Variants in DOCK5 observed in about 807,000 individuals in gnomAD.
The protein encoded by DOCK5 is dedicator of cytokinesis protein 5.
In DOCK5, 142 loss-of-function variants were observed where a neutral mutation model predicts 251.8. The ratio of observed to expected loss-of-function variants is 0.56; its 90% CI spans 0.49 to 0.65. The LOEUF is 0.65. Ranked by LOEUF, DOCK5 falls within the 30% of genes least tolerant of loss-of-function variation. The pLI, the probability that DOCK5 is intolerant of heterozygous loss-of-function variation, is 0.00. For synonymous variants in DOCK5, 842 were observed against 835.5 expected, an observed-to-expected ratio of 1.01 and a Z score of -0.13; for missense variants, 2,111 against 2,312.3, an observed-to-expected ratio of 0.91 and a Z score of 1.79.
chr8:25,262,677 T>A (rs1436642710), intron 2 of DOCK5, among the ~76,000 whole-genome samples: 1 of 152,168 alleles, frequency 6.6e-6, no homozygotes, highest in Non-Finnish European at 1.5e-5. Context: ...GTCTTTCAAC[T>A]CTTTCAGCCA....
At chr8:25,226,875 G>A (rs562210886) in intron 1 of DOCK5, among the ~76,000 whole-genome samples, 3 of 152,154 alleles carry the variant, frequency 2.0e-5, no homozygotes, top group East Asian at 1.9e-4. Flanking sequence ...GTGAGCCACC[G>A]CACCCGGCTC....
At chr8:25,283,510 G>A (rs754115009) in intron 5 of DOCK5, among the ~76,000 whole-genome samples, 1 of 152,178 alleles carries the variant, frequency 6.6e-6, no homozygotes, top group Non-Finnish European at 1.5e-5. Context: ...GCTGTGATCT[G>A]TGCTGCTGAC....
chr8:25,411,550 G>C lies in DOCK5; in HGVS notation c.*252G>C, dbSNP rs1288809989. 1.0e-5 allele frequency: 4 copies of C among 398,742 alleles called. No homozygotes were observed. Among genetic ancestry groups the C allele is most frequent in the Non-Finnish European group, 1.7e-5 (4 of 232,688 alleles). The allele number at this position is 398,742 out of a possible 1,614,324, so 24.7% of individuals were successfully genotyped here. A position where few individuals can be genotyped will look rare whatever the true frequency, so the allele number is the denominator to read the frequency against. Reference sequence around the variant, plus strand: ...CACAGCCTCTGATTTTTTCCAAGAAGAGATTGCCTTCACCATTGTTAAATG... The same window carrying C: ...CACAGCCTCTGATTTTTTCCAAGAACAGATTGCCTTCACCATTGTTAAATG... On this transcript the variant is annotated 3_prime_UTR_variant, in exon 52 of 52. Transcript: ENST00000276440.
chr8:25,207,543 A>G (rs933006961), intron 1 of DOCK5, among the ~76,000 whole-genome samples: 7 of 152,214 alleles, frequency 4.6e-5, no homozygotes, highest in African/African-American at 1.7e-4. Context: ...GCCCTTAACA[A>G]TTATGCTAAA....
chr8:25,300,957 T>C (rs868474), intron 9 of DOCK5, among the ~76,000 whole-genome samples: 2,967 of 152,240 alleles, frequency 0.019, 104 homozygotes, highest in African/African-American at 0.066. Context: ...CCCAGGACTT[T>C]GGGAGGCCAA....
rs7817887 is a variant in DOCK5, at chr8:25,232,904, G to A, written c.44-10770G>A. Among the ~76,000 whole-genome samples the A allele has an allele frequency of 3.3e-3, 507 of 152,158 alleles. 1 individual carries two copies. Among genetic ancestry groups the A allele is most frequent in the African/African-American group, 0.012 (486 of 41,518 alleles). The stretch of plus-strand genomic sequence containing the variant: ...ATCTGTAAGCTGTTCTCATCCATGT[G>A]CGTGGGTTGGGAACAATGCCTCTTG... On this transcript the variant is annotated intron_variant, in intron 1 of 51. Transcript: ENST00000276440.
intron 1 of DOCK5, among the ~76,000 whole-genome samples, chr8:25,213,453 G>C (rs1023420282): frequency 2.0e-5 from 3 of 151,312 alleles, no homozygotes; most frequent in Non-Finnish European, 4.4e-5. Flanking sequence ...CTTTGTGTGC[G>C]TCTGGTAGTG....
At chr8:25,360,774 A>C (rs959290028) in intron 28 of DOCK5, among the ~76,000 whole-genome samples, 1 of 152,122 alleles carries the variant, frequency 6.6e-6, no homozygotes, top group African/African-American at 2.4e-5. Context: ...TAACAATAAA[A>C]ATTCTAGGGA....
At chr8:25,294,212 T>C (rs1254851286) in intron 6 of DOCK5, among the ~76,000 whole-genome samples, 1 of 152,166 alleles carries the variant, frequency 6.6e-6, no homozygotes, top group Non-Finnish European at 1.5e-5. Flanking sequence ...ATGGAGCTGC[T>C]GTGTCAGTGC....
At position 25,413,441 on chromosome 8, in the gene DOCK5, C is replaced by T. The variant is rs1801663725; in HGVS notation, c.*2143C>T. 6.6e-6 allele frequency: 1 copy of T among 152,132 alleles called. No individual in the cohort carries two copies. Among genetic ancestry groups the T allele is most frequent in the Non-Finnish European group, 1.5e-5 (1 of 68,046 alleles). 9.4% of individuals were successfully genotyped at this position (152,132 alleles called of 1,614,324 possible). A position where few individuals can be genotyped will look rare whatever the true frequency, so the allele number is the denominator to read the frequency against. The stretch of plus-strand genomic sequence containing the variant: ...GGATTTTAAATGGAGAGAACTCAAG[C>T]TGTAGAGAAAGGAGGAGGCAACAGA... On this transcript the variant is annotated 3_prime_UTR_variant, in exon 52 of 52. Coordinates refer to ENST00000276440, the MANE Select transcript of DOCK5 (RefSeq NM_024940.8).
At chr8:25,291,987 C>G in intron 5 of DOCK5, 37 bp from the exon 6 acceptor site, 1 of 1,502,054 alleles carries the variant, frequency 6.7e-7, no homozygotes, top group Non-Finnish European at 8.9e-7. Flanking sequence ...ACACCTTTTT[C>G]TAAGAATCTT....
intron 46 of DOCK5, 45 bp from the exon 47 acceptor site, chr8:25,400,884 C>G (rs778579496): frequency 7.5e-6 from 12 of 1,609,138 alleles, no homozygotes; most frequent in Non-Finnish European, 1.0e-5. Flanking sequence ...AAAACGATCC[C>G]TCTTCCTGAA....
intron 14 of DOCK5, 81 bp from the exon 15 acceptor site, chr8:25,319,497 G>A: frequency 3.3e-6 from 3 of 904,500 alleles, no homozygotes; most frequent in Non-Finnish European, 5.2e-6. Flanking sequence ...TTGGGGGTGA[G>A]GGGCTTGTGC....
intron 38 of DOCK5, among the ~76,000 whole-genome samples, chr8:25,378,142 A>G (rs377744308): frequency 6.6e-6 from 1 of 152,124 alleles, no homozygotes; most frequent in African/African-American, 2.4e-5. Flanking sequence ...CTGATATCGC[A>G]TGGCTCACAG....
intron 18 of DOCK5, among the ~76,000 whole-genome samples, chr8:25,331,810 AG>A (rs1805689877): frequency 9.5e-5 from 1 of 10,522 alleles, no homozygotes; most frequent in Non-Finnish European, 8.9e-4. Flanking sequence ...ATAGAGAGAG[AG>A]AGAGAGAGAG....
intron 1 of DOCK5, among the ~76,000 whole-genome samples, chr8:25,185,386 G>C (rs75726880): frequency 0.093 from 14,085 of 152,094 alleles, 1,077 homozygotes; most frequent in African/African-American, 0.2. Flanking sequence ...TCTGCCCCCC[G>C]CTTTCGTAGG....
At chr8:25,207,505 C>T (rs887006457) in intron 1 of DOCK5, among the ~76,000 whole-genome samples, 8 of 152,176 alleles carry the variant, frequency 5.3e-5, no homozygotes, top group African/African-American at 1.9e-4. Context: ...GAAACCAGTG[C>T]TCTTTCACCA....
In DOCK5 at chr8:25,408,116, C is replaced by T. The variant is rs1320338237; in HGVS notation, c.5227C>T (p.Gln1743Ter). 1 of 1,597,560 alleles carries T rather than the reference C, an allele frequency of 6.3e-7. No homozygotes were observed. Among genetic ancestry groups the T allele is most frequent in the Admixed American group, 1.8e-5 (1 of 57,112 alleles). The change falls in exon 49 of 52, where the codon CAG (glutamine) becomes TAG (stop). Residue 1743 changes from glutamine to a stop codon, truncating the protein, a stop_gained. Coordinates refer to ENST00000276440, the MANE Select transcript of DOCK5 (RefSeq NM_024940.8). LOFTEE classifies it high-confidence loss of function. Reference protein sequence around the residue: ...KRKDWSLSKSQVIAEKAPEPD... With the variant: ...KRKDWSLSKS Reference sequence around the variant, plus strand: ...AAAAGACTGGAGTCTGAGCAAGTCCCAGGTCATTGCAGAGAAAGCACCAGA... The same window carrying T: ...AAAAGACTGGAGTCTGAGCAAGTCCTAGGTCATTGCAGAGAAAGCACCAGA...
At chr8:25,402,997 C>A (rs1203642959) in intron 47 of DOCK5, among the ~76,000 whole-genome samples, 1 of 152,142 alleles carries the variant, frequency 6.6e-6, no homozygotes, top group Non-Finnish European at 1.5e-5. Flanking sequence ...ACACACATTC[C>A]TAGACAGCAA....
Sources: gnomAD v4.1 joint callset for allele counts (sites outside exome capture counted in the v4.1 genomes callset) on GRCh38, gnomAD v4.1.1 for gene constraint, MANE v1.5 for transcripts, NCBI Gene and HGNC (gene_info 2026-07-23, HGNC 2026-07-21) for gene names.